The following XKRX variants were observed in gnomAD, a reference collection of about 807,000 sequenced individuals.
The protein encoded by XKRX is XK-related protein 2.
In XKRX, 11 loss-of-function variants were observed where a neutral mutation model predicts 22.4. The ratio of observed to expected loss-of-function variants is 0.49; its 90% confidence interval spans 0.31 to 0.81. The LOEUF is 0.81. Ranked by LOEUF, XKRX falls within the 40% of genes least tolerant of loss-of-function variation. The pLI is 0.05. For missense variants in XKRX, 320 were observed against 336.5 expected, an observed-to-expected ratio of 0.95 and a Z score of 0.38; for synonymous variants, 114 against 132.2, an observed-to-expected ratio of 0.86 and a Z score of 0.94.
At chrX:100,958,658 A>G in the XKRX span, among the ~76,000 whole-genome samples, 39 of 111,874 alleles carry the variant, frequency 3.5e-4, no homozygotes, top group Admixed American at 3.1e-3. Flanking sequence ...GAAATATATC[A>G]CTTGCATATA....
chrX:100,898,572 A>C, the XKRX span, among the ~76,000 whole-genome samples: 9 of 102,116 alleles, frequency 8.8e-5, no homozygotes, highest in African/African-American at 3.2e-4. Context: ...ATGGATTTCA[A>C]AAGCTCCCAC....
At chrX:100,917,710 G>GAAATAAAT (rs1569454797) in intron 2 of XKRX, among the ~76,000 whole-genome samples, 2 of 106,630 alleles carry the variant, frequency 1.9e-5, no homozygotes, top group Non-Finnish European at 3.9e-5. Context: ...AAGAAAGAAA[G>GAAATAAAT]AAAGAAAGAA....
chrX:100,916,030 T>A (rs1449303295), intron 2 of XKRX, among the ~76,000 whole-genome samples: 1 of 109,082 alleles, frequency 9.2e-6, no homozygotes, highest in East Asian at 2.9e-4. Context: ...TTGACAATAA[T>A]GTATTGTGTA....
At chrX:100,953,159 A>G in the XKRX span, among the ~76,000 whole-genome samples, 4 of 111,509 alleles carry the variant, frequency 3.6e-5, no homozygotes, top group Non-Finnish European at 5.6e-5. Flanking sequence ...ATAGTGGCAC[A>G]TGCTTGTAGT....
Position 100,914,392 on chromosome X carries a change from C to T in XKRX, c.1296G>A (p.Arg432=). The T allele has an allele frequency of 1.7e-6, 2 of 1,211,709 alleles. No homozygotes were observed. Among genetic ancestry groups the T allele is most frequent in the Non-Finnish European group, 1.1e-6 (1 of 895,467 alleles). The change falls in exon 3 of 3, where the codon AGG becomes AGA. Residue 432 remains arginine, a synonymous_variant. Coordinates refer to ENST00000372956, the MANE Select transcript of XKRX (RefSeq NM_212559.3). ...CVCCHQHPRT[R]VENSEPPFET... ...CAAAGGGTGGCTCTGAGTTCTCAACCCTGGTCCGAGGGTGCTGGTGACAGC... is the reference window on the plus strand; with the variant it reads ...CAAAGGGTGGCTCTGAGTTCTCAACTCTGGTCCGAGGGTGCTGGTGACAGC...
chrX:100,910,579 C>T, downstream of XKRX: 1 of 201,992 alleles, frequency 5.0e-6, no homozygotes. Flanking sequence ...GAGCAAAATT[C>T]CGTCTTAAAA....
intron 2 of XKRX, among the ~76,000 whole-genome samples, chrX:100,922,570 T>C (rs994721214): frequency 2.7e-5 from 3 of 112,563 alleles, no homozygotes; most frequent in African/African-American, 9.7e-5. Flanking sequence ...TCTGTGATGA[T>C]GGAAATGTTT....
At chrX:100,907,910 T>C in the XKRX span, among the ~76,000 whole-genome samples, 32 of 111,860 alleles carry the variant, frequency 2.9e-4, no homozygotes, top group East Asian at 7.6e-3. Context: ...CTACACAGCA[T>C]TTTGAGATAT....
At chrX:100,919,735 TAAAG>T (rs1250913636) in intron 2 of XKRX, among the ~76,000 whole-genome samples, 20 of 112,067 alleles carry the variant, frequency 1.8e-4, no homozygotes, top group African/African-American at 6.5e-4. Flanking sequence ...ATTATACAAA[TAAAG>T]AATATTGAGT....
At chrX:100,887,003 T>C in the XKRX span, among the ~76,000 whole-genome samples, 1 of 112,716 alleles carries the variant, frequency 8.9e-6, no homozygotes, top group Non-Finnish European at 1.9e-5. Flanking sequence ...TAATTTTATC[T>C]GGTACCATTA....
the XKRX span, among the ~76,000 whole-genome samples, chrX:100,945,247 TACACACACACACACAC>T: frequency 1.3e-4 from 7 of 55,366 alleles, no homozygotes; most frequent in South Asian, 6.9e-3. Flanking sequence ...ACCTGGGTGA[TACACACACACACACAC>T]ACACACACAC....
chrX:100,925,184 C>T (rs2085492771), intron 1 of XKRX, among the ~76,000 whole-genome samples: 1 of 112,132 alleles, frequency 8.9e-6, no homozygotes, highest in African/African-American at 3.2e-5. Flanking sequence ...TGAAATGTTC[C>T]GTTTACATTT....
chrX:100,888,665 A>G, the XKRX span: 2 of 377,458 alleles, frequency 5.3e-6, no homozygotes, highest in Non-Finnish European at 9.3e-6. Flanking sequence ...CAAGCTGACA[A>G]ACGTATCTGG....
the XKRX span, among the ~76,000 whole-genome samples, chrX:100,904,152 G>C: frequency 1.8e-5 from 2 of 111,935 alleles, no homozygotes; most frequent in African/African-American, 3.3e-5. Context: ...CAATGGGACA[G>C]TAGAGATAGC....
At chrX:100,945,247 T>TACACACACAC in the XKRX span, among the ~76,000 whole-genome samples, 27 of 55,367 alleles carry the variant, frequency 4.9e-4, no homozygotes, top group African/African-American at 7.2e-4. Flanking sequence ...ACCTGGGTGA[T>TACACACACAC]ACACACACAC....
Position 100,922,939 on chromosome X carries a change from TC to T in XKRX, c.457del (p.Glu153ArgfsTer32). On this transcript the variant is annotated frameshift_variant, in exon 2 of 3. Coordinates refer to ENST00000372956, the MANE Select transcript of XKRX (RefSeq NM_212559.3). LOFTEE classifies it high-confidence loss of function. ...IDGEEVLIEW[E>X]VGHSIRTLAM... ...CAGGGTCCGGATGGAGTGGCCCACCTCCCATTCTATCAGCACCTCCTCGCCA... is the reference window on the plus strand; with the variant it reads ...CAGGGTCCGGATGGAGTGGCCCACCTCCATTCTATCAGCACCTCCTCGCCA... The T allele has an allele frequency of 8.3e-7, 1 of 1,211,612 alleles. No homozygotes were observed. Among genetic ancestry groups the T allele is most frequent in the Non-Finnish European group, 1.1e-6 (1 of 895,474 alleles).
At chrX:100,888,847 C>T in the XKRX span, among the ~76,000 whole-genome samples, 1 of 110,387 alleles carries the variant, frequency 9.1e-6, no homozygotes, top group Non-Finnish European at 1.9e-5. Context: ...GCTAGAGGAA[C>T]AGCAAGAAGG....
chrX:100,889,082 A>C, the XKRX span, among the ~76,000 whole-genome samples: 1 of 108,654 alleles, frequency 9.2e-6, no homozygotes, highest in Admixed American at 9.9e-5. Flanking sequence ...TCTACTAAAA[A>C]TACAAAAATT....
At chrX:100,939,945 T>C in the XKRX span, among the ~76,000 whole-genome samples, 1 of 112,214 alleles carries the variant, frequency 8.9e-6, no homozygotes, top group African/African-American at 3.2e-5. Context: ...ATATATAAAA[T>C]TAACTGAAGC....
Sources: gnomAD v4.1 joint callset for allele counts (sites outside exome capture counted in the v4.1 genomes callset) on GRCh38, gnomAD v4.1.1 for gene constraint, MANE v1.5 for transcripts, NCBI Gene and HGNC (gene_info 2026-07-23, HGNC 2026-07-21) for gene names.